The following RECK variants were observed in gnomAD, a reference collection of about 807,000 sequenced individuals.
The protein encoded by RECK is reversion inducing cysteine rich protein with kazal motifs, also known as reversion-inducing cysteine-rich protein with Kazal motifs.
In RECK, 69 loss-of-function variants were observed where a neutral mutation model predicts 115.1. The observed-to-expected ratio is 0.60, with a 90% CI of 0.49 to 0.73. The LOEUF (loss-of-function observed/expected upper bound fraction) is 0.73, where lower values mean the gene tolerates loss of function less well. Among genes scored for constraint, RECK ranks in the 30% least tolerant of loss-of-function variants. The pLI, the probability that RECK is intolerant of heterozygous loss-of-function variation, is 0.00. For synonymous variants in RECK, 414 were observed against 419.7 expected, an observed-to-expected ratio of 0.99 and a Z score of 0.17; for missense variants, 1,047 against 1,203.7, an observed-to-expected ratio of 0.87 and a Z score of 1.93.
chr9:36,082,903 G>A (rs904108933), intron 7 of RECK, among the ~76,000 whole-genome samples: 10 of 152,042 alleles, frequency 6.6e-5, no homozygotes, highest in African/African-American at 2.4e-4. Flanking sequence ...GTTTTATTTT[G>A]GTTTGGTTTG....
intron 13 of RECK, among the ~76,000 whole-genome samples, chr9:36,106,240 G>GTT (rs1202628348): frequency 7.7e-6 from 1 of 130,406 alleles, no homozygotes; most frequent in Non-Finnish European, 1.6e-5. Context: ...AAAAAAAAAC[G>GTT]TTTTTTTTTT....
chr9:36,066,765 A>G lies in RECK; in HGVS notation c.405+1141A>G, dbSNP rs1395164347. ...TGATGTCTGACACTGTCCATCTTCC[A>G]TAGCCTGTCCTCCGTTATTTTAGTG... On this transcript the variant is annotated intron_variant, in intron 6 of 20. Transcript: ENST00000377966. The G allele has an allele frequency of 5.4e-6, 7 of 1,285,148 alleles. No individual in the cohort carries two copies. The African/African-American group carries it at 6.1e-5, about 11-fold the overall frequency. 79.6% of individuals were successfully genotyped at this position (1,285,148 alleles called of 1,614,324 possible).
chr9:36,042,423 AGTGTGT>A (rs35193636), intron 1 of RECK, among the ~76,000 whole-genome samples: 4,866 of 144,376 alleles, frequency 0.034, 110 homozygotes, highest in African/African-American at 0.064. Flanking sequence ...AGTATTCCAT[AGTGTGT>A]GTGTGTGTGT....
intron 1 of RECK, among the ~76,000 whole-genome samples, chr9:36,051,887 T>A (rs1275230909): frequency 6.6e-6 from 1 of 152,214 alleles, no homozygotes; most frequent in Non-Finnish European, 1.5e-5. Flanking sequence ...TTCACTATCT[T>A]TTTATCAGTT....
At chr9:36,045,934 C>CA (rs916417287) in intron 1 of RECK, among the ~76,000 whole-genome samples, 8 of 152,034 alleles carry the variant, frequency 5.3e-5, no homozygotes, top group Non-Finnish European at 8.8e-5. Context: ...TTCTTAAGCC[C>CA]AAAAAATGTG....
chr9:36,082,188 C>CTCTCT (rs1401784584), intron 7 of RECK, among the ~76,000 whole-genome samples: 85 of 146,512 alleles, frequency 5.8e-4, no homozygotes, highest in South Asian at 1.1e-3. Context: ...CTCTCTCTCT[C>CTCTCT]CTTTTTTCTT....
chr9:36,099,203 G>C (rs1195784176), intron 10 of RECK, among the ~76,000 whole-genome samples: 1 of 150,886 alleles, frequency 6.6e-6, no homozygotes, highest in East Asian at 1.9e-4. Flanking sequence ...TCCAGCCTGG[G>C]TGACAGAGTG....
chr9:36,108,610 A>G (rs748282133), intron 14 of RECK, among the ~76,000 whole-genome samples: 4 of 152,094 alleles, frequency 2.6e-5, no homozygotes, highest in Non-Finnish European at 5.9e-5. Context: ...CCAAGGACAC[A>G]GGTAATCTTC....
intron 1 of RECK, among the ~76,000 whole-genome samples, chr9:36,048,486 A>G (rs573159644): frequency 3.3e-5 from 5 of 151,820 alleles, no homozygotes; most frequent in South Asian, 2.1e-4. Flanking sequence ...TCCTTTCTCT[A>G]TTTTCCAAAG....
intron 2 of RECK, among the ~76,000 whole-genome samples, chr9:36,058,367 T>C (rs1370151229): frequency 3.5e-5 from 5 of 142,624 alleles, no homozygotes; most frequent in Non-Finnish European, 6.1e-5. Flanking sequence ...ATGGATGAAA[T>C]TGGAAATCAT....
intron 16 of RECK, among the ~76,000 whole-genome samples, 176 bp from the exon 17 acceptor site, chr9:36,116,809 A>G (rs997080474): frequency 1.3e-5 from 2 of 152,010 alleles, no homozygotes; most frequent in Non-Finnish European, 2.9e-5. Flanking sequence ...TCTACTTTTT[A>G]GCCTACTGTA....
At chr9:36,096,923 TACACAC>T (rs3070850) in intron 10 of RECK, among the ~76,000 whole-genome samples, 1 of 150,404 alleles carries the variant, frequency 6.6e-6, no homozygotes, top group East Asian at 2.0e-4. Context: ...GGTGTGTGCA[TACACAC>T]ACACACACAC....
chr9:36,082,976 T>C (rs1306072194), intron 7 of RECK, among the ~76,000 whole-genome samples: 1 of 152,218 alleles, frequency 6.6e-6, no homozygotes, highest in African/African-American at 2.4e-5. Flanking sequence ...ACTGCTTCAC[T>C]GGTTTTCAAC....
chr9:36,118,967 G>A lies in RECK; in HGVS notation c.2464G>A (p.Gly822Ser). Residue 822 changes from glycine (G) to serine (S), a missense_variant and splice_region_variant, in exon 18 of 21, where the codon GGT becomes AGT. Gly to Ser is a moderately conservative substitution (Grantham distance 56). Coordinates refer to ENST00000377966, the MANE Select transcript of RECK (RefSeq NM_021111.3). Reference protein sequence around the residue: ...AAGCKPIIPPGACCPLCAGML... With the variant: ...AAGCKPIIPPSACCPLCAGML... ...TGGATGCAAACCCATCATCCCACCG[G>A]GTAGGCTGGCAGTATCGGGGTGGAC... is the stretch of plus-strand genomic sequence containing the variant. 5.0e-6 allele frequency: 8 copies of A among 1,611,870 alleles called. No individual in the cohort carries two copies. Among genetic ancestry groups the A allele is most frequent in the Non-Finnish European group, 6.8e-6 (8 of 1,179,572 alleles).
At chr9:36,105,388 G>A (rs1823760620) in intron 13 of RECK, 105 bp downstream of exon 13, 9 of 1,063,806 alleles carry the variant, frequency 8.5e-6, no homozygotes, top group Non-Finnish European at 9.6e-6. Context: ...GTAATATAGG[G>A]GTTATCTTCG....
At chr9:36,060,193 A>C (rs1344705182) in intron 4 of RECK, 38 bp downstream of exon 4, 6 of 1,590,620 alleles carry the variant, frequency 3.8e-6, no homozygotes, top group Non-Finnish European at 1.7e-6. Flanking sequence ...ACTTAATTTT[A>C]AAAACTTACT....
intron 17 of RECK, 90 bp from the exon 18 acceptor site, chr9:36,118,667 C>A: frequency 8.1e-7 from 1 of 1,237,438 alleles, no homozygotes; most frequent in Non-Finnish European, 1.1e-6. Context: ...TTTTTTCCTT[C>A]CTGAAAATAG....
intron 1 of RECK, among the ~76,000 whole-genome samples, chr9:36,050,639 C>T (rs1821249443): frequency 6.6e-6 from 1 of 152,162 alleles, no homozygotes; most frequent in Non-Finnish European, 1.5e-5. Context: ...GTTTTCCATC[C>T]TTCTCAGAGT....
At position 36,121,540 on chromosome 9, in the gene RECK, A is replaced by C; in HGVS notation, c.2546A>C (p.Asn849Thr). ...EKLDTIAKVT[N>T]KKPITVLEIL... ...CATGTTTTCTCTTTCCAGGTAACAAATAAAAAGCCAATAACAGTTCTGGAA... is the reference window on the plus strand; with the variant it reads ...CATGTTTTCTCTTTCCAGGTAACAACTAAAAAGCCAATAACAGTTCTGGAA... Residue 849 changes from asparagine (N) to threonine (T), a missense_variant, in exon 20 of 21, where the codon AAT (asparagine) becomes ACT (threonine). By Grantham distance (65) the Asn-to-Thr change is moderately conservative. Transcript: ENST00000377966. 6.2e-7 allele frequency: 1 copy of C among 1,613,088 alleles called. No homozygotes were observed. Among genetic ancestry groups the C allele is most frequent in the Non-Finnish European group, 8.5e-7 (1 of 1,179,506 alleles).
Sources: allele counts gnomAD v4.1 joint callset (sites outside exome capture counted in the v4.1 genomes callset), GRCh38; gene constraint gnomAD v4.1.1; transcripts MANE v1.5; gene names NCBI Gene and HGNC (gene_info 2026-07-23, HGNC 2026-07-21).